PTPRD: variants seen among roughly 807,000 people sequenced by gnomAD.
PTPRD encodes protein tyrosine phosphatase receptor type D.
A neutral mutation model predicts 214.5 loss-of-function variants in PTPRD; 34 were observed. The ratio of observed to expected loss-of-function variants is 0.16; its 90% CI spans 0.12 to 0.21. The LOEUF (loss-of-function observed/expected upper bound fraction) is 0.21. Among genes scored for constraint, PTPRD ranks in the 10% least tolerant of loss-of-function variants. PTPRD has a pLI of 1.00. For synonymous variants in PTPRD, 1,128 were observed against 845.7 expected, an observed-to-expected ratio of 1.33 and a Z score of -5.79; for missense variants, 2,545 against 2,398.7, an observed-to-expected ratio of 1.06 and a Z score of -1.27.
At chr9:8,476,879 T>A (rs910035346) in intron 30 of PTPRD, among the ~76,000 whole-genome samples, 1 of 152,182 alleles carries the variant, frequency 6.6e-6, no homozygotes, top group Non-Finnish European at 1.5e-5. Context: ...CTCAGTCTCA[T>A]CAAGCTTTTT....
At chr9:8,576,670 G>A (rs1461296003) in intron 14 of PTPRD, among the ~76,000 whole-genome samples, 1 of 147,450 alleles carries the variant, frequency 6.8e-6, no homozygotes, top group Non-Finnish European at 1.5e-5. Context: ...GCATATCCGT[G>A]TCTCTTTCCT....
At chr9:10,405,613 G>C (rs1445867031) in intron 2 of PTPRD, among the ~76,000 whole-genome samples, 2 of 151,458 alleles carry the variant, frequency 1.3e-5, no homozygotes, top group African/African-American at 2.4e-5. Context: ...TTATATATTA[G>C]TTTATACTGC....
At chr9:9,393,031 G>C (rs1346657442) in intron 9 of PTPRD, among the ~76,000 whole-genome samples, 2 of 151,976 alleles carry the variant, frequency 1.3e-5, no homozygotes, top group Non-Finnish European at 2.9e-5. Flanking sequence ...GGCGGGAGCT[G>C]GTTAATCGGC....
intron 34 of PTPRD, among the ~76,000 whole-genome samples, chr9:8,447,876 G>C (rs754005373): frequency 6.6e-6 from 1 of 152,122 alleles, no homozygotes; most frequent in African/African-American, 2.4e-5. Context: ...AATCTGATCC[G>C]TTTTTCTATT....
chr9:8,738,081 T>C (rs1159937188), intron 11 of PTPRD, among the ~76,000 whole-genome samples: 6 of 152,186 alleles, frequency 3.9e-5, no homozygotes, highest in African/African-American at 1.4e-4. Context: ...AAACAATAAT[T>C]TTGCTGAATT....
chr9:10,423,836 G>C (rs937384984), intron 2 of PTPRD, among the ~76,000 whole-genome samples: 1 of 151,936 alleles, frequency 6.6e-6, no homozygotes. Flanking sequence ...CATGTTTTTA[G>C]GTTTGGGATG....
chr9:9,183,638 G>T (rs1048007431), intron 9 of PTPRD, among the ~76,000 whole-genome samples: 1 of 151,970 alleles, frequency 6.6e-6, no homozygotes. Context: ...AAACTAACAT[G>T]TCCACCATAA....
chr9:9,651,980 G>A lies in PTPRD; in HGVS notation c.-286-77199C>T, dbSNP rs151082884. ...CTCCCAAGTAGCTGGGACCACAGGC[G>A]CCTGCCACCAGGCCTGGCTAATTTT... On this transcript the variant is annotated intron_variant, in intron 7 of 45. Coordinates refer to ENST00000381196, the MANE Select transcript of PTPRD (RefSeq NM_002839.4). Among the ~76,000 whole-genome samples the A allele has an allele frequency of 3.6e-4, 55 of 151,166 alleles. No individual in the cohort carries two copies. In the East Asian group the frequency reaches 1.0e-2, roughly 27 times the overall value.
chr9:9,088,197 T>C (rs1479370001), intron 10 of PTPRD, among the ~76,000 whole-genome samples: 1 of 151,940 alleles, frequency 6.6e-6, no homozygotes, highest in African/African-American at 2.4e-5. Flanking sequence ...CCTAAACTTT[T>C]GATTCTTGTG....
intron 7 of PTPRD, among the ~76,000 whole-genome samples, chr9:9,613,131 C>CATATATATATATATATATATATATAT (rs1383091159): frequency 2.4e-5 from 1 of 40,930 alleles, no homozygotes; most frequent in Non-Finnish European, 4.7e-5. Flanking sequence ...AGTATACATA[C>CATATATATATATATATATATATATAT]ATACATATAT....
At chr9:10,585,312 T>G (rs2073535098) in intron 2 of PTPRD, among the ~76,000 whole-genome samples, 1 of 152,116 alleles carries the variant, frequency 6.6e-6, no homozygotes. Context: ...ATTCTCCCAT[T>G]GATGAAAGCC....
chr9:9,486,150 C>CAAAAAAAAAAAAAAAAAA lies in PTPRD; in HGVS notation c.-237+88564_-237+88581dup, dbSNP rs71319226. Among the ~76,000 whole-genome samples the CAAAAAAAAAAAAAAAAAA allele has an allele frequency of 6.6e-5, 2 of 30,164 alleles. 1 individual carries two copies. The highest frequency in any genetic ancestry group is 1.1e-4 in the Non-Finnish European group (2 of 19,006). 19.8% of individuals were successfully genotyped at this position (30,164 alleles called of 152,430 possible). On this transcript the variant is annotated intron_variant, in intron 8 of 45. Coordinates refer to ENST00000381196, the MANE Select transcript of PTPRD (RefSeq NM_002839.4). ...TGGGCAACAGAGCAAGACTCTCTCTCAAAAAAAAAAAAAAAAAAAAAAAAA... is the reference window on the plus strand; with the variant it reads ...TGGGCAACAGAGCAAGACTCTCTCTCAAAAAAAAAAAAAAAAAAAAAAAAAAAAAAAAAAAAAAAAAAA...
At chr9:8,336,628 CAAAAA>C (rs764320816) in intron 43 of PTPRD, among the ~76,000 whole-genome samples, 1 of 114,586 alleles carries the variant, frequency 8.7e-6, no homozygotes. Context: ...TTCTGCAGAG[CAAAAA>C]AAAAAAAAAA....
At chr9:9,217,387 T>A (rs970210229) in intron 9 of PTPRD, among the ~76,000 whole-genome samples, 1 of 152,184 alleles carries the variant, frequency 6.6e-6, no homozygotes, top group Non-Finnish European at 1.5e-5. Flanking sequence ...CCCAGAGTTG[T>A]TACTTTACCA....
chr9:9,488,670 G>A (rs2095764261), intron 8 of PTPRD, among the ~76,000 whole-genome samples: 2 of 152,210 alleles, frequency 1.3e-5, no homozygotes, highest in South Asian at 4.1e-4. Flanking sequence ...GAATGCACTT[G>A]CAGAGTATAT....
At chr9:9,585,924 C>G (rs1344776907) in intron 7 of PTPRD, among the ~76,000 whole-genome samples, 1 of 151,972 alleles carries the variant, frequency 6.6e-6, no homozygotes, top group African/African-American at 2.4e-5. Flanking sequence ...GCAGGCTAAC[C>G]AGAAGTAGAG....
chr9:8,415,586 T>C (rs1036495835), intron 35 of PTPRD, among the ~76,000 whole-genome samples: 6 of 152,022 alleles, frequency 3.9e-5, no homozygotes, highest in African/African-American at 1.4e-4. Flanking sequence ...GTTTGAGTAT[T>C]ACACAATTCA....
intron 2 of PTPRD, among the ~76,000 whole-genome samples, chr9:10,400,518 G>A (rs1187233515): frequency 6.6e-6 from 1 of 151,410 alleles, no homozygotes; most frequent in Non-Finnish European, 1.5e-5. Flanking sequence ...TGCATTCACT[G>A]GGGATCAAAG....
chr9:9,215,300 A>G (rs897421095), intron 9 of PTPRD, among the ~76,000 whole-genome samples: 6 of 152,130 alleles, frequency 3.9e-5, no homozygotes, highest in African/African-American at 1.4e-4. Flanking sequence ...ACATACTTGT[A>G]CTTGTTCACC....
Sources: allele counts gnomAD v4.1 joint callset (sites outside exome capture counted in the v4.1 genomes callset), GRCh38; gene constraint gnomAD v4.1.1; transcripts MANE v1.5; gene names NCBI Gene and HGNC (gene_info 2026-07-23, HGNC 2026-07-21).